PRR16: variants seen among roughly 807,000 people sequenced by gnomAD.
PRR16 encodes the protein protein Largen.
In PRR16, 6 loss-of-function variants were observed where a neutral mutation model predicts 18.2. The observed-to-expected ratio is 0.33, with a 90% CI of 0.18 to 0.65. The LOEUF is 0.65. Ranked by LOEUF, PRR16 falls within the 30% of genes least tolerant of loss-of-function variation. The probability of loss-of-function intolerance (pLI) is 0.74; values close to 1 mark genes in which losing one functional copy is unlikely to be tolerated. For synonymous variants in PRR16, 151 were observed against 147.8 expected (o/e 1.02, Z -0.16); for missense variants, 412 against 376.6 (o/e 1.09, Z -0.78).
chr5:120,482,839 C>T (rs1055674874), intron 1 of PRR16, among the ~76,000 whole-genome samples: 3 of 152,090 alleles, frequency 2.0e-5, no homozygotes, highest in Non-Finnish European at 2.9e-5. Flanking sequence ...TATGTAATGA[C>T]GATCTGCGAA....
At chr5:120,711,127 A>G in the PRR16 span, among the ~76,000 whole-genome samples, 1 of 152,170 alleles carries the variant, frequency 6.6e-6, no homozygotes, top group Non-Finnish European at 1.5e-5. Context: ...CTCACTGGAT[A>G]ATGCAGAAAA....
the PRR16 span, among the ~76,000 whole-genome samples, chr5:120,751,923 A>T: frequency 6.6e-6 from 1 of 152,118 alleles, no homozygotes; most frequent in Non-Finnish European, 1.5e-5. Flanking sequence ...ATGTGATATT[A>T]AACTCCAGTA....
chr5:120,709,550 C>A, the PRR16 span, among the ~76,000 whole-genome samples: 1 of 151,932 alleles, frequency 6.6e-6, no homozygotes, highest in Non-Finnish European at 1.5e-5. Context: ...TAGCTATAGT[C>A]TTCTCTTAGT....
chr5:120,475,810 T>C (rs897662311), intron 1 of PRR16, among the ~76,000 whole-genome samples: 4 of 152,160 alleles, frequency 2.6e-5, no homozygotes, highest in African/African-American at 9.7e-5. Flanking sequence ...CTATTCCATA[T>C]AGATAAAATA....
intron 1 of PRR16, among the ~76,000 whole-genome samples, chr5:120,557,465 C>A (rs900622426): frequency 2.0e-5 from 3 of 151,614 alleles, no homozygotes; most frequent in Admixed American, 6.6e-5. Context: ...GTTCTTTTTG[C>A]AAATTGCTTC....
chr5:120,766,949 A>C, the PRR16 span, among the ~76,000 whole-genome samples: 1 of 151,936 alleles, frequency 6.6e-6, no homozygotes, highest in Non-Finnish European at 1.5e-5. Context: ...GAATGAAGAC[A>C]AATATTAGTG....
the PRR16 span, among the ~76,000 whole-genome samples, chr5:120,705,395 A>G: frequency 2.0e-5 from 3 of 152,096 alleles, no homozygotes; most frequent in Non-Finnish European, 2.9e-5. Context: ...GTAAACATAT[A>G]TATCAGTATT....
chr5:120,698,280 G>A, the PRR16 span, among the ~76,000 whole-genome samples: 2 of 151,998 alleles, frequency 1.3e-5, no homozygotes, highest in Non-Finnish European at 2.9e-5. Flanking sequence ...AGAATGATTG[G>A]TGATGGCCTG....
At chr5:120,689,597 C>G (rs1160872450), downstream of PRR16, among the ~76,000 whole-genome samples, 2 of 152,104 alleles carry the variant, frequency 1.3e-5, no homozygotes, top group African/African-American at 2.4e-5. Context: ...ATCACAGAGC[C>G]AGCCTTCATA....
chr5:120,733,773 A>T, the PRR16 span, among the ~76,000 whole-genome samples: 1 of 152,130 alleles, frequency 6.6e-6, no homozygotes, highest in Non-Finnish European at 1.5e-5. Flanking sequence ...GTTTCTAAAA[A>T]TTTTTGTAAT....
In PRR16 at chr5:120,604,540, A is replaced by G. The variant is rs549129263; in HGVS notation, c.160-81414A>G. 1.1e-4 allele frequency among the ~76,000 whole-genome samples: 17 copies of G among 152,160 alleles called. No individual in the cohort carries two copies. In the South Asian group the frequency reaches 3.3e-3, roughly 30 times the overall value. ...GCCTTTTGAGTGGAGTTTTTAGTCC[A>G]TTTCCATTCAAGTTCAATATTGGTA... On this transcript the variant is annotated intron_variant, in intron 1 of 1. Coordinates refer to ENST00000407149, the MANE Select transcript of PRR16 (RefSeq NM_001300783.2).
At chr5:120,770,965 C>G in the PRR16 span, among the ~76,000 whole-genome samples, 1 of 151,868 alleles carries the variant, frequency 6.6e-6, no homozygotes, top group Middle Eastern at 3.2e-3. Context: ...CACACACACA[C>G]ACACACCTTG....
the PRR16 span, among the ~76,000 whole-genome samples, chr5:120,731,827 T>C: frequency 6.6e-6 from 1 of 152,206 alleles, no homozygotes; most frequent in Non-Finnish European, 1.5e-5. Flanking sequence ...CAAATTAATA[T>C]GAACAGGTTC....
At position 120,464,368 on chromosome 5, in the gene PRR16, G is replaced by A. The variant is rs1749006537; in HGVS notation, c.-119G>A. 8 of 1,176,296 alleles carry A rather than the reference G, an allele frequency of 6.8e-6. No homozygotes were observed. The South Asian group carries it at 1.5e-4, about 21-fold the overall frequency. 72.9% of individuals were successfully genotyped at this position (1,176,296 alleles called of 1,614,324 possible). Reference sequence around the variant, plus strand: ...AGCGCAGCCACTCGCCGCTGCCCAGGGAGCGCCCAAGATGTGGGGGGACCG... The same window carrying A: ...AGCGCAGCCACTCGCCGCTGCCCAGAGAGCGCCCAAGATGTGGGGGGACCG... On this transcript the variant is annotated 5_prime_UTR_variant, in exon 1 of 2. Coordinates refer to ENST00000407149, the MANE Select transcript of PRR16 (RefSeq NM_001300783.2).
the PRR16 span, among the ~76,000 whole-genome samples, chr5:120,792,418 CA>C: frequency 6.6e-6 from 1 of 152,172 alleles, no homozygotes; most frequent in Non-Finnish European, 1.5e-5. Flanking sequence ...ACTTGTCCAT[CA>C]CTGTTTCTTC....
intron 1 of PRR16, among the ~76,000 whole-genome samples, chr5:120,629,487 A>G (rs190293729): frequency 6.6e-6 from 1 of 152,160 alleles, no homozygotes; most frequent in Non-Finnish European, 1.5e-5. Flanking sequence ...ATGCCTCTTC[A>G]ACATTGAAAG....
chr5:120,677,905 C>CTTTTTTTTTTTTTTTTTTT (rs386404833), intron 1 of PRR16, among the ~76,000 whole-genome samples: 16 of 93,214 alleles, frequency 1.7e-4, no homozygotes, highest in East Asian at 3.4e-4. Flanking sequence ...CTTTTTCTTT[C>CTTTTTTTTTTTTTTTTTTT]TTTTTTTTTT....
intron 1 of PRR16, among the ~76,000 whole-genome samples, chr5:120,487,708 G>A (rs918238989): frequency 5.9e-5 from 9 of 152,140 alleles, no homozygotes; most frequent in African/African-American, 1.9e-4. Context: ...GTGAGAGAGG[G>A]CATCCCTGTC....
At chr5:120,642,911 A>C (rs1039351327) in intron 1 of PRR16, among the ~76,000 whole-genome samples, 9 of 152,086 alleles carry the variant, frequency 5.9e-5, no homozygotes, top group Admixed American at 2.0e-4. Flanking sequence ...TGGTGAGGCC[A>C]ATTGCTGGTT....
Sources: gnomAD v4.1 joint callset for allele counts (sites outside exome capture counted in the v4.1 genomes callset) on GRCh38, gnomAD v4.1.1 for gene constraint, MANE v1.5 for transcripts, NCBI Gene and HGNC (gene_info 2026-07-23, HGNC 2026-07-21) for gene names.